Variants in ELAPOR1 observed in about 807,000 individuals in gnomAD.
ELAPOR1 encodes endosome/lysosome-associated apoptosis and autophagy regulator 1.
Under a neutral mutation model 119.7 loss-of-function variants are expected in ELAPOR1, and 77 were observed. The observed-to-expected ratio is 0.64, with a 90% confidence interval of 0.54 to 0.78. ELAPOR1 has a LOEUF of 0.78. ELAPOR1 is among the 30% of genes least tolerant of loss of function. The probability of loss-of-function intolerance (pLI) is 0.00; values close to 1 mark genes in which losing one functional copy is unlikely to be tolerated. For missense variants in ELAPOR1, 1,115 were observed against 1,270.4 expected (o/e 0.88, Z 1.86); for synonymous variants, 481 against 487.2 (o/e 0.99, Z 0.17).
intron 8 of ELAPOR1, among the ~76,000 whole-genome samples, chr1:109,186,037 G>A (rs1653022089): frequency 6.6e-6 from 1 of 151,752 alleles, no homozygotes; most frequent in African/African-American, 2.4e-5. Context: ...ACAACAAATG[G>A]GTATATAATA....
rs577323070 is a variant in ELAPOR1 at position 109,188,343 on chromosome 1, C to A, written c.1208C>A (p.Ser403Tyr). The A allele has an allele frequency of 1.2e-5, 20 of 1,612,000 alleles. No homozygotes were observed. In the Admixed American group the frequency reaches 1.8e-4, roughly 15 times the overall value. Reference protein sequence around the residue: ...TCQPCPYGSYSNGSDCTRCPA... With the variant: ...TCQPCPYGSYYNGSDCTRCPA... Reference sequence around the variant, plus strand: ...CAGCCCTGCCCATATGGTTCCTACTCCAATGGCTCAGGTAACCTCCTCACC... The same window carrying A: ...CAGCCCTGCCCATATGGTTCCTACTACAATGGCTCAGGTAACCTCCTCACC... The change falls in exon 9 of 22, where the codon TCC becomes TAC. Residue 403 changes from serine (S) to tyrosine (Y), a missense_variant. Coordinates refer to ENST00000369939, the MANE Select transcript of ELAPOR1 (RefSeq NM_020775.5).
intron 18 of ELAPOR1, 112 bp downstream of exon 18, chr1:109,198,786 T>C (rs1042623486): frequency 5.5e-6 from 5 of 910,714 alleles, no homozygotes; most frequent in South Asian, 1.6e-5. Context: ...TTGAGATCCA[T>C]TAATGGGTGC....
rs148851317 is a variant in ELAPOR1 at position 109,196,623 on chromosome 1, T to C, written c.2122-851T>C. Among the ~76,000 whole-genome samples the C allele has an allele frequency of 7.0e-3, 1,069 of 151,842 alleles. 16 individuals carry two copies. The highest frequency in any genetic ancestry group is 0.025 in the African/African-American group (1,016 of 41,454). ...TTGTAATGTAAAGGTTTTCTTCAGTTTTCAAGCTCATCTACTTCCTACAAT... is the reference window on the plus strand; with the variant it reads ...TTGTAATGTAAAGGTTTTCTTCAGTCTTCAAGCTCATCTACTTCCTACAAT... On this transcript the variant is annotated intron_variant, in intron 15 of 21. Coordinates refer to ENST00000369939, the MANE Select transcript of ELAPOR1 (RefSeq NM_020775.5).
intron 1 of ELAPOR1, among the ~76,000 whole-genome samples, chr1:109,129,016 A>T (rs1200209074): frequency 6.6e-6 from 1 of 152,212 alleles, no homozygotes; most frequent in Non-Finnish European, 1.5e-5. Context: ...GAAAGTAATC[A>T]TCAGAGTATT....
chr1:109,148,742 A>G (rs1410803827), intron 1 of ELAPOR1, among the ~76,000 whole-genome samples: 1 of 152,216 alleles, frequency 6.6e-6, no homozygotes, highest in Non-Finnish European at 1.5e-5. Context: ...CCTGGTTCTG[A>G]CATGTATGAT....
At position 109,161,952 on chromosome 1, in the gene ELAPOR1, C is replaced by T. The variant is rs768357104; in HGVS notation, c.212C>T (p.Ala71Val). The change falls in exon 2 of 22, where the codon GCC becomes GTC. Residue 71 changes from alanine (A) to valine (V), a missense_variant. Transcript: ENST00000369939. ...AGCACGGGTTCCAGGTGGAGGGTCG[C>T]CGTGCCGCATACCCCGGGCCTGTGC... is the stretch of plus-strand genomic sequence containing the variant. ...CDSTGSRWRVAVPHTPGLCTS... is the reference protein window; with the variant it reads ...CDSTGSRWRVVVPHTPGLCTS... 1.4e-5 allele frequency: 22 copies of T among 1,614,050 alleles called. No homozygotes were observed. The South Asian group carries it at 2.3e-4, about 17-fold the overall frequency.
At chr1:109,169,870 A>G (rs1651822650) in intron 3 of ELAPOR1, among the ~76,000 whole-genome samples, 1 of 152,250 alleles carries the variant, frequency 6.6e-6, no homozygotes, top group Non-Finnish European at 1.5e-5. Flanking sequence ...CTACTCAGAC[A>G]TGTGCCTAAG....
At chr1:109,165,818 C>T (rs993403710) in intron 3 of ELAPOR1, among the ~76,000 whole-genome samples, 4 of 150,680 alleles carry the variant, frequency 2.7e-5, no homozygotes, top group South Asian at 2.1e-4. Flanking sequence ...CATCTTGGCT[C>T]GCCACAAGCC....
In ELAPOR1 at chr1:109,191,785, G is replaced by T; in HGVS notation, c.1605G>T (p.Gln535His). 6.2e-7 allele frequency: 1 copy of T among 1,614,220 alleles called. No homozygotes were observed. The highest frequency in any genetic ancestry group is 8.5e-7 in the Non-Finnish European group (1 of 1,180,034). ...VETWKGSKGKQSYTYIIEENT... is the reference protein window; with the variant it reads ...VETWKGSKGKHSYTYIIEENT... ...CGTGGAAAGGTTCCAAAGGCAAACA[G>T]TCCTATACCTACATCATTGAGGAGA... is the stretch of plus-strand genomic sequence containing the variant. The change falls in exon 13 of 22, where the codon CAG becomes CAT. Residue 535 changes from glutamine (Q) to histidine (H), a missense_variant. Gln to His is a conservative substitution (Grantham distance 24). Transcript: ENST00000369939.
At chr1:109,147,970 C>T (rs867262330) in intron 1 of ELAPOR1, among the ~76,000 whole-genome samples, 1 of 150,366 alleles carries the variant, frequency 6.7e-6, no homozygotes, top group Admixed American at 6.7e-5. Flanking sequence ...GCTGGGACTA[C>T]AGGTGCCCGC....
chr1:109,160,052 G>C (rs1651150123), intron 1 of ELAPOR1, among the ~76,000 whole-genome samples: 1 of 152,182 alleles, frequency 6.6e-6, no homozygotes, highest in Admixed American at 6.5e-5. Context: ...AATAGACCCA[G>C]AGAGGGCACA....
At chr1:109,163,116 A>G (rs1005393186) in intron 2 of ELAPOR1, among the ~76,000 whole-genome samples, 4 of 152,252 alleles carry the variant, frequency 2.6e-5, no homozygotes, top group Non-Finnish European at 5.9e-5. Flanking sequence ...ATATTTAGGG[A>G]TCAGGCATAG....
chr1:109,164,160 C>T (rs1037964752), intron 2 of ELAPOR1, among the ~76,000 whole-genome samples: 1 of 152,054 alleles, frequency 6.6e-6, no homozygotes, highest in African/African-American at 2.4e-5. Context: ...ACATTTTAAT[C>T]ATCCTAAAAA....
chr1:109,173,457 C>G lies in ELAPOR1; in HGVS notation c.697-17C>G. 1 of 1,604,344 alleles carries G rather than the reference C, an allele frequency of 6.2e-7. No homozygotes were observed. Among genetic ancestry groups the G allele is most frequent in the Non-Finnish European group, 8.5e-7 (1 of 1,172,076 alleles). Reference sequence around the variant, plus strand: ...TTTTCTCTGTGATGAATGAATGCTCCTGTTTGTGGTTTTTAGGTGGAGCTA... The same window carrying G: ...TTTTCTCTGTGATGAATGAATGCTCGTGTTTGTGGTTTTTAGGTGGAGCTA... On this transcript the variant is annotated splice_polypyrimidine_tract_variant and intron_variant, in intron 5 of 21. Coordinates refer to ENST00000369939, the MANE Select transcript of ELAPOR1 (RefSeq NM_020775.5).
At chr1:109,177,020 T>A (rs75851782) in intron 7 of ELAPOR1, among the ~76,000 whole-genome samples, 517 of 121,414 alleles carry the variant, frequency 4.3e-3, no homozygotes, top group East Asian at 0.011. Flanking sequence ...TACACAGACA[T>A]GGCAACCATC....
rs572640382 is a variant in ELAPOR1, at chr1:109,147,300, G to A, written c.154-14594G>A. ...ATTTATCCAGCCATGAAAAGATATG[G>A]AGGAAGCTTGAATGCCTATTACTAA... On this transcript the variant is annotated intron_variant, in intron 1 of 21. Transcript: ENST00000369939. 1.4e-4 allele frequency among the ~76,000 whole-genome samples: 21 copies of A among 152,208 alleles called. 1 individual carries two copies. The highest frequency in any genetic ancestry group is 3.4e-3 in the Middle Eastern group (1 of 294).
chr1:109,150,845 G>A (rs1030793576), intron 1 of ELAPOR1, among the ~76,000 whole-genome samples: 4 of 152,282 alleles, frequency 2.6e-5, no homozygotes, highest in African/African-American at 9.6e-5. Flanking sequence ...CTGTTAAAAA[G>A]TAAACAGCCT....
At chr1:109,167,968 C>A (rs1472714064) in intron 3 of ELAPOR1, among the ~76,000 whole-genome samples, 2 of 152,128 alleles carry the variant, frequency 1.3e-5, no homozygotes, top group African/African-American at 4.8e-5. Flanking sequence ...TCAATGGCTA[C>A]CAATTGCTCT....
chr1:109,206,350 C>G lies in ELAPOR1; in HGVS notation c.*3338C>G, dbSNP rs1654493653. 1 of 152,158 alleles carries G rather than the reference C, an allele frequency of 6.6e-6. No homozygotes were observed. Among genetic ancestry groups the G allele is most frequent in the African/African-American group, 2.4e-5 (1 of 41,414 alleles). The allele number at this position is 152,158 out of a possible 1,614,324, so 9.4% of individuals were successfully genotyped here. A position where few individuals can be genotyped will look rare whatever the true frequency, so the allele number is the denominator to read the frequency against. ...ATTTTCTATGAACAAAGGCTTTAGT[C>G]CTTGACCCAGGGCTAAAGTGGTCTG... On this transcript the variant is annotated 3_prime_UTR_variant, in exon 22 of 22. Coordinates refer to ENST00000369939, the MANE Select transcript of ELAPOR1 (RefSeq NM_020775.5).
Sources: gnomAD v4.1 joint callset for allele counts (sites outside exome capture counted in the v4.1 genomes callset) on GRCh38, gnomAD v4.1.1 for gene constraint, MANE v1.5 for transcripts, NCBI Gene and HGNC (gene_info 2026-07-23, HGNC 2026-07-21) for gene names.